The following REEP5 variants were observed in gnomAD, a reference collection of about 807,000 sequenced individuals.
The protein encoded by REEP5 is receptor expression-enhancing protein 5.
Under a neutral mutation model 22.4 loss-of-function variants are expected in REEP5, and 24 were observed. The observed-to-expected ratio is 1.07, with a 90% CI of 0.78 to 1.51. REEP5 has a LOEUF of 1.51. Ranked by LOEUF, REEP5 falls within the 40% of genes most tolerant of loss-of-function variation. The pLI is 0.00. For missense variants in REEP5, 252 were observed against 233.0 expected, an observed-to-expected ratio of 1.08 and a Z score of -0.53; for synonymous variants, 103 against 88.6, an observed-to-expected ratio of 1.16 and a Z score of -0.92.
intron 2 of REEP5, among the ~76,000 whole-genome samples, chr5:112,903,507 C>T (rs962090331): frequency 6.6e-6 from 1 of 151,968 alleles, no homozygotes; most frequent in East Asian, 1.9e-4. Flanking sequence ...ATGGGTGCAC[C>T]GAAATCTCAG....
In REEP5 at chr5:112,887,071, A is replaced by C; in HGVS notation, c.464T>G (p.Val155Gly). 1 of 1,613,700 alleles carries C rather than the reference A, an allele frequency of 6.2e-7. No individual in the cohort carries two copies. Among genetic ancestry groups the C allele is most frequent in the Non-Finnish European group, 8.5e-7 (1 of 1,179,842 alleles). Reference protein sequence around the residue: ...FLKHESQMDSVVKDLKDKAKE... With the variant: ...FLKHESQMDSGVKDLKDKAKE... ...GGCCTTGTCTTTAAGGTCCTTGACC[A>C]CACTGTCCATCTGGGACTCGTGCTT... The change falls in exon 4 of 5, where the codon GTG becomes GGG. Residue 155 changes from valine to glycine, a missense_variant. Transcript: ENST00000379638.
intron 4 of REEP5, among the ~76,000 whole-genome samples, chr5:112,883,203 G>T (rs1768130627): frequency 6.6e-6 from 1 of 152,156 alleles, no homozygotes; most frequent in Non-Finnish European, 1.5e-5. Flanking sequence ...CTCCTTTGCA[G>T]GAAATTTCTC....
intron 2 of REEP5, among the ~76,000 whole-genome samples, chr5:112,912,282 G>C (rs1458640234): frequency 6.6e-6 from 1 of 152,088 alleles, no homozygotes; most frequent in African/African-American, 2.4e-5. Flanking sequence ...TGGTTCATAA[G>C]TAACTCAGTT....
Position 112,922,172 on chromosome 5 carries a change from C to A in REEP5, c.19G>T (p.Glu7Ter). The A allele has an allele frequency of 6.2e-7, 1 of 1,607,630 alleles. No individual in the cohort carries two copies. Among genetic ancestry groups the A allele is most frequent in the Non-Finnish European group, 8.5e-7 (1 of 1,177,218 alleles). The change falls in exon 1 of 5, where the codon GAG becomes TAG. Residue 7 changes from glutamate to a stop codon, truncating the protein, a stop_gained. Coordinates refer to ENST00000379638, the MANE Select transcript of REEP5 (RefSeq NM_005669.5). LOFTEE classifies it high-confidence loss of function. MSAAMR[E>*]RFDRFLHEKN... ...TCGTGCAGGAACCGGTCGAACCTCT[C>A]CCTCATGGCCGCAGACATGGCGGGG... is the stretch of plus-strand genomic sequence containing the variant.
At chr5:112,892,981 C>G in intron 3 of REEP5, 1 of 1,586,988 alleles carries the variant, frequency 6.3e-7, no homozygotes, top group Non-Finnish European at 8.6e-7. Flanking sequence ...CCGCAGGAGC[C>G]ACCGCAGCCG....
chr5:112,896,821 C>T (rs1768693259), intron 3 of REEP5: 1 of 152,186 alleles, frequency 6.6e-6, no homozygotes, highest in South Asian at 2.1e-4. Flanking sequence ...GTCCCAGCTA[C>T]TCGGGAGGCT....
At chr5:112,914,008 AG>A (rs1486845742) in intron 2 of REEP5, among the ~76,000 whole-genome samples, 1 of 151,728 alleles carries the variant, frequency 6.6e-6, no homozygotes, top group Admixed American at 6.6e-5. Flanking sequence ...ACAAAAAATT[AG>A]TACACACCTG....
intron 3 of REEP5, chr5:112,891,539 A>C: frequency 6.7e-7 from 1 of 1,485,840 alleles, no homozygotes; most frequent in Non-Finnish European, 9.1e-7. Flanking sequence ...AAAACATAAA[A>C]TATTCATAAG....
chr5:112,881,723 A>T (rs941551422), intron 4 of REEP5, among the ~76,000 whole-genome samples: 7 of 152,070 alleles, frequency 4.6e-5, no homozygotes, highest in African/African-American at 1.7e-4. Flanking sequence ...TTAGTTCTTG[A>T]AGATTTTAGC....
In REEP5 at chr5:112,901,319, G is replaced by A. The variant is rs143256397; in HGVS notation, c.351+1061C>T. Among the ~76,000 whole-genome samples the A allele has an allele frequency of 2.8e-4, 42 of 152,294 alleles. No individual in the cohort carries two copies. The South Asian group carries it at 4.4e-3, about 16-fold the overall frequency. On this transcript the variant is annotated intron_variant, in intron 3 of 4. Transcript: ENST00000379638. The stretch of plus-strand genomic sequence containing the variant: ...GAAGAGAGCCAAGCAAAAACATTAG[G>A]TGTGAACAATATAATAGTTGAAATG...
intron 4 of REEP5, among the ~76,000 whole-genome samples, chr5:112,883,268 G>T (rs1000987109): frequency 6.6e-6 from 1 of 152,094 alleles, no homozygotes; most frequent in African/African-American, 2.4e-5. Flanking sequence ...CAAATCCATT[G>T]CAATCAGGAG....
At chr5:112,892,850 A>G in intron 3 of REEP5, 1 of 1,613,666 alleles carries the variant, frequency 6.2e-7, no homozygotes, top group Non-Finnish European at 8.5e-7. Flanking sequence ...GAGAGAAAAA[A>G]GAGTAGTCAT....
intron 3 of REEP5, chr5:112,895,561 A>G (rs1281707116): frequency 6.6e-6 from 1 of 152,172 alleles, no homozygotes; most frequent in East Asian, 1.9e-4. Context: ...CAGACTGTTA[A>G]TTGACTACTT....
chr5:112,908,094 GTTTT>G (rs1168506605), intron 2 of REEP5, among the ~76,000 whole-genome samples: 1 of 72,610 alleles, frequency 1.4e-5, no homozygotes, highest in Non-Finnish European at 2.9e-5. Context: ...GACTTTCTTT[GTTTT>G]TTGTTTTTTT....
chr5:112,906,719 C>T (rs1379669173), intron 2 of REEP5, among the ~76,000 whole-genome samples: 1 of 152,174 alleles, frequency 6.6e-6, no homozygotes, highest in Non-Finnish European at 1.5e-5. Context: ...AATATACACG[C>T]CTGGGTCCTT....
intron 3 of REEP5, chr5:112,898,508 A>G (rs554377607): frequency 6.6e-6 from 1 of 152,346 alleles, no homozygotes; most frequent in South Asian, 2.1e-4. Context: ...TTTATTTTGG[A>G]TCTTCTCTCT....
chr5:112,903,407 T>C (rs1271769317), intron 2 of REEP5, among the ~76,000 whole-genome samples: 2 of 152,080 alleles, frequency 1.3e-5, no homozygotes, highest in African/African-American at 4.8e-5. Context: ...AGGCATAAGA[T>C]ACAATGGACT....
chr5:112,884,474 C>A (rs1768170435), intron 4 of REEP5, among the ~76,000 whole-genome samples: 1 of 151,584 alleles, frequency 6.6e-6, no homozygotes, highest in Non-Finnish European at 1.5e-5. Context: ...ATTACCTGGG[C>A]CCAAGTGATC....
At chr5:112,899,863 G>C (rs1414201434) in intron 3 of REEP5, among the ~76,000 whole-genome samples, 1 of 152,174 alleles carries the variant, frequency 6.6e-6, no homozygotes, top group Non-Finnish European at 1.5e-5. Context: ...TATACCAACT[G>C]AGCATACCAA....
Sources: allele counts gnomAD v4.1 joint callset (sites outside exome capture counted in the v4.1 genomes callset), GRCh38; gene constraint gnomAD v4.1.1; transcripts MANE v1.5; gene names NCBI Gene and HGNC (gene_info 2026-07-23, HGNC 2026-07-21).